CSMD1: variants seen among roughly 807,000 people sequenced by gnomAD.
The protein encoded by CSMD1 is CUB and Sushi multiple domains 1.
Under a neutral mutation model 417.5 loss-of-function variants are expected in CSMD1, and 213 were observed. The observed-to-expected ratio is 0.51, with a 90% CI of 0.46 to 0.57. CSMD1 has a LOEUF of 0.57. Ranked by LOEUF, CSMD1 falls within the 20% of genes least tolerant of loss-of-function variation. The pLI, the probability that CSMD1 is intolerant of heterozygous loss-of-function variation, is 0.00. For synonymous variants in CSMD1, 2,862 were observed against 1,736.8 expected (o/e 1.65, Z -16.11); for missense variants, 6,923 against 4,529.7 (o/e 1.53, Z -15.17).
chr8:4,242,228 TAAG>T lies in CSMD1; in HGVS notation c.415+177722_415+177724del, dbSNP rs1007311830. Among the ~76,000 whole-genome samples the T allele has an allele frequency of 5.9e-5, 9 of 152,280 alleles. No homozygotes were observed. The East Asian group carries it at 1.5e-3, about 26-fold the overall frequency. On this transcript the variant is annotated intron_variant, in intron 3 of 69. Coordinates refer to ENST00000635120, the MANE Select transcript of CSMD1 (RefSeq NM_033225.6). ...ATTGTGATTTTTGATGGAAATTAGA[TAAG>T]AAATTTGCCAATCTTTATAAACATC...
rs377511679 is a variant in CSMD1 at position 3,241,071 on chromosome 8, G to A, written c.4154-10840C>T. Among the ~76,000 whole-genome samples, 837 of 150,162 alleles carry A rather than the reference G, an allele frequency of 5.6e-3. 7 individuals are homozygous for A. The highest frequency in any genetic ancestry group is 0.018 in the African/African-American group (745 of 41,040). On this transcript the variant is annotated intron_variant, in intron 26 of 69. Transcript: ENST00000635120. ...CTCATACTTGTGGGTTAAGGTGAGG[G>A]GATACAAGAGGAGGACGCAACGGAG... is the stretch of plus-strand genomic sequence containing the variant.
At chr8:3,718,544 T>A (rs895176754) in intron 6 of CSMD1, among the ~76,000 whole-genome samples, 1 of 152,208 alleles carries the variant, frequency 6.6e-6, no homozygotes, top group Non-Finnish European at 1.5e-5. Context: ...GTTATCAGAA[T>A]CTTTTAATTT....
chr8:4,656,026 G>C (rs1804207634), intron 1 of CSMD1, among the ~76,000 whole-genome samples: 1 of 152,246 alleles, frequency 6.6e-6, no homozygotes, highest in African/African-American at 2.4e-5. Context: ...TGCATGCTCT[G>C]TTGGGAGATG....
intron 1 of CSMD1, among the ~76,000 whole-genome samples, chr8:4,963,703 C>T (rs912940294): frequency 1.3e-5 from 2 of 152,010 alleles, no homozygotes; most frequent in African/African-American, 4.8e-5. Context: ...TGTCTAAAAG[C>T]TCTTCTTTGA....
intron 1 of CSMD1, among the ~76,000 whole-genome samples, chr8:4,944,842 T>C (rs999755849): frequency 7.9e-5 from 12 of 152,134 alleles, no homozygotes; most frequent in Admixed American, 3.3e-4. Flanking sequence ...AAAAACAGTA[T>C]GGTGATTCTT....
chr8:3,880,315 T>C (rs930655496), intron 5 of CSMD1, among the ~76,000 whole-genome samples: 1 of 152,212 alleles, frequency 6.6e-6, no homozygotes, highest in Non-Finnish European at 1.5e-5. Flanking sequence ...TTTCAAAAAC[T>C]ATCCCATTAT....
At chr8:4,970,284 A>T (rs1810157530) in intron 1 of CSMD1, among the ~76,000 whole-genome samples, 1 of 152,108 alleles carries the variant, frequency 6.6e-6, no homozygotes, top group Non-Finnish European at 1.5e-5. Context: ...TAAGTGATAG[A>T]TCATTTGTCT....
chr8:4,457,141 C>G (rs943271089), intron 2 of CSMD1, among the ~76,000 whole-genome samples: 1 of 151,934 alleles, frequency 6.6e-6, no homozygotes, highest in East Asian at 1.9e-4. Context: ...ATTCCTATAC[C>G]TTTTGATACC....
At chr8:3,292,988 T>G (rs62503428) in intron 25 of CSMD1, among the ~76,000 whole-genome samples, 1 of 152,016 alleles carries the variant, frequency 6.6e-6, no homozygotes, top group Non-Finnish European at 1.5e-5. Flanking sequence ...CCATGTTTAG[T>G]GCTTCCTTCA....
intron 9 of CSMD1, 124 bp downstream of exon 9, chr8:3,586,012 C>A: frequency 1.0e-6 from 1 of 980,016 alleles, no homozygotes; most frequent in Admixed American, 3.1e-5. Flanking sequence ...ACTATGAAAA[C>A]ATACATTACT....
chr8:4,195,329 G>A (rs115919268), intron 3 of CSMD1, among the ~76,000 whole-genome samples: 10 of 152,120 alleles, frequency 6.6e-5, no homozygotes, highest in Non-Finnish European at 1.2e-4. Flanking sequence ...AAATTCTATA[G>A]AACAGGATAA....
At chr8:2,993,870 G>A (rs1806628768) in intron 54 of CSMD1, among the ~76,000 whole-genome samples, 1 of 151,428 alleles carries the variant, frequency 6.6e-6, no homozygotes, top group Admixed American at 6.6e-5. Flanking sequence ...CGGTTGTTCT[G>A]AAAGTAAGAA....
intron 2 of CSMD1, among the ~76,000 whole-genome samples, chr8:4,615,425 A>G (rs900311041): frequency 7.2e-5 from 11 of 152,232 alleles, no homozygotes; most frequent in Admixed American, 6.5e-5. Context: ...TGTAAAAAGT[A>G]CAACCGTTAT....
At chr8:3,820,161 G>C (rs540169919) in intron 5 of CSMD1, among the ~76,000 whole-genome samples, 1 of 152,254 alleles carries the variant, frequency 6.6e-6, no homozygotes, top group East Asian at 1.9e-4. Flanking sequence ...TGAATGCCTT[G>C]CACAAAGTGC....
At chr8:3,624,114 G>A (rs1261450127) in intron 7 of CSMD1, among the ~76,000 whole-genome samples, 2 of 152,086 alleles carry the variant, frequency 1.3e-5, no homozygotes, top group Admixed American at 1.3e-4. Flanking sequence ...CTTAAAAGTT[G>A]CCTTCCTTTC....
chr8:4,371,152 T>C (rs1343882454), intron 3 of CSMD1, among the ~76,000 whole-genome samples: 1 of 152,208 alleles, frequency 6.6e-6, no homozygotes, highest in African/African-American at 2.4e-5. Context: ...AAGTTGGGTA[T>C]AGCTGAATGA....
intron 5 of CSMD1, among the ~76,000 whole-genome samples, chr8:3,785,990 T>C (rs753131648): frequency 2.0e-5 from 3 of 152,108 alleles, no homozygotes; most frequent in Non-Finnish European, 2.9e-5. Context: ...GAGACCTGAG[T>C]ACTTAGGCTG....
At chr8:4,820,707 T>A (rs543500753) in intron 1 of CSMD1, among the ~76,000 whole-genome samples, 1 of 152,192 alleles carries the variant, frequency 6.6e-6, no homozygotes, top group Non-Finnish European at 1.5e-5. Flanking sequence ...CAAGGCTGCA[T>A]AGCTCATGGA....
intron 53 of CSMD1, among the ~76,000 whole-genome samples, chr8:2,999,318 G>A (rs934093486): frequency 2.0e-5 from 3 of 151,852 alleles, no homozygotes; most frequent in African/African-American, 7.3e-5. Context: ...ACCATGCCAG[G>A]CTAATTATTG....
Sources: gnomAD v4.1 joint callset for allele counts (sites outside exome capture counted in the v4.1 genomes callset) on GRCh38, gnomAD v4.1.1 for gene constraint, MANE v1.5 for transcripts, NCBI Gene and HGNC (gene_info 2026-07-23, HGNC 2026-07-21) for gene names.